Variants in ARHGAP26 observed in about 807,000 individuals in gnomAD.
ARHGAP26 encodes rho GTPase-activating protein 26.
A neutral mutation model predicts 104.8 loss-of-function variants in ARHGAP26; 38 were observed. That is an observed-to-expected ratio of 0.36 (90% CI 0.28 to 0.48). The LOEUF is 0.48. Ranked by LOEUF, ARHGAP26 falls within the 20% of genes least tolerant of loss-of-function variation. The probability of loss-of-function intolerance (pLI) is 0.99; values close to 1 mark genes in which losing one functional copy is unlikely to be tolerated. For missense variants in ARHGAP26, 704 were observed against 947.9 expected (o/e 0.74, Z 3.38); for synonymous variants, 341 against 340.0 (o/e 1.00, Z -0.03).
At chr5:143,189,368 G>A (rs57325229) in intron 20 of ARHGAP26, among the ~76,000 whole-genome samples, 7,150 of 152,046 alleles carry the variant, frequency 0.047, 510 homozygotes, top group African/African-American at 0.16. Context: ...TTGAGATCTC[G>A]GCTCAGATGT....
chr5:143,057,903 G>T (rs1177726783), intron 17 of ARHGAP26, 156 bp downstream of exon 17: 1 of 747,884 alleles, frequency 1.3e-6, no homozygotes. Context: ...GTTCATTGCA[G>T]TGGAGAACAG....
At chr5:142,867,571 T>A (rs1023635533) in intron 1 of ARHGAP26, among the ~76,000 whole-genome samples, 3 of 152,178 alleles carry the variant, frequency 2.0e-5, no homozygotes, top group African/African-American at 7.2e-5. Flanking sequence ...GGACTCTTCC[T>A]TAAACCATTT....
chr5:143,136,455 C>G (rs1337330315), intron 19 of ARHGAP26, among the ~76,000 whole-genome samples: 1 of 152,196 alleles, frequency 6.6e-6, no homozygotes, highest in Non-Finnish European at 1.5e-5. Flanking sequence ...TGTAGGGAGC[C>G]TAACTTTCCC....
chr5:143,015,116 G>A (rs572526809), intron 12 of ARHGAP26, among the ~76,000 whole-genome samples: 4 of 151,720 alleles, frequency 2.6e-5, no homozygotes, highest in African/African-American at 9.7e-5. Context: ...AGGTTGAGAG[G>A]CCTTTATGAG....
intron 11 of ARHGAP26, among the ~76,000 whole-genome samples, chr5:142,980,516 G>A (rs1053791769): frequency 6.6e-5 from 10 of 151,960 alleles, no homozygotes; most frequent in Non-Finnish European, 1.5e-4. Context: ...AGCCTCCTGA[G>A]TGGCTGGGAT....
intron 6 of ARHGAP26, among the ~76,000 whole-genome samples, chr5:142,900,142 G>A (rs1760088509): frequency 6.6e-6 from 1 of 152,216 alleles, no homozygotes; most frequent in Non-Finnish European, 1.5e-5. Flanking sequence ...CACTGTGAAT[G>A]CTGGGACTCG....
At chr5:142,867,288 GGTGTGT>G (rs70991782) in intron 1 of ARHGAP26, among the ~76,000 whole-genome samples, 4,393 of 143,638 alleles carry the variant, frequency 0.031, 108 homozygotes, top group African/African-American at 0.065. Flanking sequence ...ATTTGCACAG[GGTGTGT>G]GTGTGTGTGT....
intron 1 of ARHGAP26, among the ~76,000 whole-genome samples, chr5:142,846,865 C>G (rs951806596): frequency 6.6e-6 from 1 of 152,200 alleles, no homozygotes; most frequent in Non-Finnish European, 1.5e-5. Context: ...GAATAACTCT[C>G]CCTTAAAGGA....
At chr5:143,012,573 A>ATATATATATATATATATG in intron 11 of ARHGAP26, among the ~76,000 whole-genome samples, 1 of 96,058 alleles carries the variant, frequency 1.0e-5, no homozygotes, top group African/African-American at 3.2e-5. Context: ...ATATATATAT[A>ATATATATATATATATATG]TATTATGATC....
chr5:143,138,203 C>T (rs1225421580), intron 19 of ARHGAP26, among the ~76,000 whole-genome samples: 1 of 152,142 alleles, frequency 6.6e-6, no homozygotes, highest in African/African-American at 2.4e-5. Context: ...GTGGTCTATT[C>T]TCAGAATGAG....
intron 1 of ARHGAP26, among the ~76,000 whole-genome samples, chr5:142,872,683 T>G (rs1161469327): frequency 2.0e-5 from 3 of 152,234 alleles, no homozygotes; most frequent in Non-Finnish European, 4.4e-5. Context: ...GTTTTTCTTA[T>G]GGATACTGCG....
chr5:143,157,651 C>T (rs1175419104), intron 20 of ARHGAP26, among the ~76,000 whole-genome samples: 1 of 152,164 alleles, frequency 6.6e-6, no homozygotes, highest in African/African-American at 2.4e-5. Context: ...TATTCTAAAT[C>T]GACATTCTAC....
intron 1 of ARHGAP26, among the ~76,000 whole-genome samples, chr5:142,856,897 C>T (rs758334163): frequency 2.6e-5 from 4 of 152,158 alleles, no homozygotes; most frequent in Non-Finnish European, 2.9e-5. Context: ...GACAACTGTA[C>T]CATGAACTGG....
At chr5:143,109,994 C>T (rs1476343731) in intron 17 of ARHGAP26, among the ~76,000 whole-genome samples, 2 of 152,180 alleles carry the variant, frequency 1.3e-5, no homozygotes, top group African/African-American at 2.4e-5. Context: ...TCTCTGGGCT[C>T]CAGGTACACT....
rs1799741401 is a variant in ARHGAP26, at chr5:143,150,652, A to G, written c.1988+3271A>G. Among the ~76,000 whole-genome samples, 3 of 152,222 alleles carry G rather than the reference A, an allele frequency of 2.0e-5. No individual in the cohort carries two copies. The South Asian group carries it at 6.2e-4, about 32-fold the overall frequency. ...CCACTACCACCAAAAAAAGACTTGA[A>G]CAAACCTTTAAAATCAGGAGTCTTC... On this transcript the variant is annotated intron_variant, in intron 20 of 22. Transcript: ENST00000645722.
chr5:143,007,922 A>G (rs1778216382), intron 11 of ARHGAP26, among the ~76,000 whole-genome samples: 1 of 152,202 alleles, frequency 6.6e-6, no homozygotes, highest in African/African-American at 2.4e-5. Flanking sequence ...TCAGTTGGTT[A>G]TATTACATTG....
At chr5:142,921,795 T>C (rs1763226857) in intron 10 of ARHGAP26, 1 of 152,580 alleles carries the variant, frequency 6.6e-6, no homozygotes, top group Non-Finnish European at 1.5e-5. Flanking sequence ...CATTGCAGGA[T>C]TTTTTCTGAA....
intron 11 of ARHGAP26, among the ~76,000 whole-genome samples, chr5:142,960,847 T>G (rs1325954764): frequency 6.6e-6 from 1 of 152,234 alleles, no homozygotes; most frequent in South Asian, 2.1e-4. Context: ...TTGGGACTTT[T>G]GCTCATGCTG....
chr5:142,871,222 T>C lies in ARHGAP26; in HGVS notation c.155-2178T>C, dbSNP rs1220946846. 6.6e-6 allele frequency among the ~76,000 whole-genome samples: 1 copy of C among 152,210 alleles called. No individual in the cohort carries two copies. Among genetic ancestry groups the C allele is most frequent in the East Asian group, 1.9e-4 (1 of 5,192 alleles). ...CAGTGGACAAGGAAATCAGGTCACC[T>C]GCTGGTCATAAGCTAACAGGCCCTG... On this transcript the variant is annotated intron_variant, in intron 1 of 22. Coordinates refer to ENST00000645722, the MANE Select transcript of ARHGAP26 (RefSeq NM_001135608.3). This position sits in a 1 kb window ranked among gnomAD's most constrained non-coding sequence, Gnocchi z 4.1.
Sources: allele counts gnomAD v4.1 joint callset (sites outside exome capture counted in the v4.1 genomes callset), GRCh38; gene constraint gnomAD v4.1.1; non-coding constraint Gnocchi (gnomAD v3.1); transcripts MANE v1.5; gene names NCBI Gene and HGNC (gene_info 2026-07-23, HGNC 2026-07-21).